The following ENOSF1 variants were observed in gnomAD, a reference collection of about 807,000 sequenced individuals.
ENOSF1 encodes mitochondrial enolase superfamily member 1.
ENOSF1 carries 73 observed loss-of-function variants against 68.2 expected under a neutral mutation model. That is an observed-to-expected ratio of 1.07 (90% CI 0.89 to 1.30). The LOEUF is 1.30. Among genes scored for constraint, ENOSF1 ranks in the 50% most tolerant of loss-of-function variants. ENOSF1 has a pLI of 0.00. For synonymous variants in ENOSF1, 223 were observed against 210.4 expected (o/e 1.06, Z -0.52); for missense variants, 589 against 554.5 (o/e 1.06, Z -0.62).
intron 2 of ENOSF1, among the ~76,000 whole-genome samples, chr18:702,264 C>CAAAAAAAAAAAAAAAAAAAAACAA (rs2078440643): frequency 1.5e-5 from 1 of 65,774 alleles, no homozygotes. Flanking sequence ...AACTACATCT[C>CAAAAAAAAAAAAAAAAAAAAACAA]AAAAAAAAAA....
intron 2 of ENOSF1, among the ~76,000 whole-genome samples, chr18:702,013 C>T (rs1170134293): frequency 9.2e-5 from 14 of 151,688 alleles, no homozygotes; most frequent in Non-Finnish European, 5.9e-5. Flanking sequence ...CCTGCAATCC[C>T]GTCACTTTGG....
At chr18:705,643 C>A (rs2078846668) in intron 2 of ENOSF1, among the ~76,000 whole-genome samples, 1 of 152,140 alleles carries the variant, frequency 6.6e-6, no homozygotes, top group African/African-American at 2.4e-5. Flanking sequence ...CCAAGGGAGA[C>A]CTCCGAGATT....
rs774638093 is a variant in ENOSF1 at position 670,849 on chromosome 18, G to A, written c.*3456C>T. On this transcript the variant is annotated 3_prime_UTR_variant, in exon 16 of 16. Transcript: ENST00000647584. Reference sequence around the variant, plus strand: ...ACGCCCTGCTCACGTACATGATTGCGCACATCACGGGCCTGAAGGTGGGCT... The same window carrying A: ...ACGCCCTGCTCACGTACATGATTGCACACATCACGGGCCTGAAGGTGGGCT... 21 of 1,613,882 alleles carry A rather than the reference G, an allele frequency of 1.3e-5. No individual in the cohort carries two copies. Among genetic ancestry groups the A allele is most frequent in the Middle Eastern group, 1.6e-4 (1 of 6,080 alleles).
chr18:674,158 T>G lies in ENOSF1; in HGVS notation c.*147A>C, dbSNP rs2144471233. On this transcript the variant is annotated 3_prime_UTR_variant, in exon 16 of 16. Coordinates refer to ENST00000647584, the MANE Select transcript of ENOSF1 (RefSeq NM_017512.7). The stretch of plus-strand genomic sequence containing the variant: ...TTTGCTAAAAGAATCAAGTAATAAT[T>G]ACTTAGCTGATTCCTGAGGGTGGTA... The G allele has an allele frequency of 1.6e-6, 1 of 623,942 alleles. No individual in the cohort carries two copies. The highest frequency in any genetic ancestry group is 2.1e-5 in the South Asian group (1 of 48,430). The allele number at this position is 623,942 out of a possible 1,614,324, so 38.7% of individuals were successfully genotyped here.
At chr18:697,377 CTT>C (rs34911737) in intron 2 of ENOSF1, 22 bp from the exon 3 acceptor site, 538,024 of 1,541,438 alleles carry the variant, frequency 0.35, 96,933 homozygotes, top group Non-Finnish European at 0.38. Context: ...GGATTGAACT[CTT>C]GTTTATGCTT....
downstream of ENOSF1, among the ~76,000 whole-genome samples, chr18:668,635 C>A (rs1316101026): frequency 6.6e-6 from 1 of 152,154 alleles, no homozygotes; most frequent in Non-Finnish European, 1.5e-5. Flanking sequence ...ATACTATATT[C>A]TACATAAGAT....
intron 2 of ENOSF1, 148 bp downstream of exon 2, chr18:706,322 C>CACTG (rs3831414): frequency 0.58 from 330,220 of 573,458 alleles, 96,414 homozygotes; most frequent in African/African-American, 0.72. Flanking sequence ...AACCATGAAA[C>CACTG]TTTTTACTCA....
At chr18:701,292 A>G (rs1170994068) in intron 2 of ENOSF1, among the ~76,000 whole-genome samples, 1 of 152,150 alleles carries the variant, frequency 6.6e-6, no homozygotes, top group African/African-American at 2.4e-5. Context: ...TTGGGTGATC[A>G]TGATGTGCCA....
In ENOSF1 at chr18:678,455, C is replaced by A. The variant is rs2075737439; in HGVS notation, c.918+241G>T. On this transcript the variant is annotated intron_variant, in intron 12 of 15. Transcript: ENST00000647584. ...CTTTAAATTGCTGCCTTTTCAATTT[C>A]AATTAGACACTTTGAAAAAGATACC... 9.9e-6 allele frequency: 5 copies of A among 506,336 alleles called. No homozygotes were observed. The East Asian group carries it at 1.6e-4, about 16-fold the overall frequency. The allele number at this position is 506,336 out of a possible 1,614,324, so 31.4% of individuals were successfully genotyped here.
downstream of ENOSF1, among the ~76,000 whole-genome samples, chr18:668,000 T>C (rs1186814443): frequency 6.8e-6 from 1 of 146,876 alleles, no homozygotes; most frequent in East Asian, 2.1e-4. Flanking sequence ...GAATTTTTTT[T>C]TTTTTTTTTT....
chr18:688,414 G>C (rs2076831195), intron 9 of ENOSF1, 160 bp downstream of exon 9: 2 of 754,554 alleles, frequency 2.7e-6, no homozygotes, highest in African/African-American at 3.5e-5. Context: ...TTTAGAGAAA[G>C]AGCCTGGCCT....
At chr18:701,282 T>C (rs146634019) in intron 2 of ENOSF1, among the ~76,000 whole-genome samples, 1 of 152,280 alleles carries the variant, frequency 6.6e-6, no homozygotes, top group African/African-American at 2.4e-5. Flanking sequence ...ACTACAGACT[T>C]TGGGTGATCA....
Position 694,345 on chromosome 18 carries a change from A to G in ENOSF1, c.310-11T>C. 1 of 1,613,876 alleles carries G rather than the reference A, an allele frequency of 6.2e-7. No individual in the cohort carries two copies. The highest frequency in any genetic ancestry group is 8.5e-7 in the Non-Finnish European group (1 of 1,179,852). On this transcript the variant is annotated splice_polypyrimidine_tract_variant and intron_variant, in intron 3 of 15. Coordinates refer to ENST00000647584, the MANE Select transcript of ENOSF1 (RefSeq NM_017512.7). ...CTTTTCTGGACCAATCTGGTTAGGA[A>G]GCAAAGTACAAAAGCACTTTTTAGA...
chr18:693,390 A>T, intron 5 of ENOSF1: 2 of 1,152,426 alleles, frequency 1.7e-6, no homozygotes, highest in Non-Finnish European at 2.2e-6. Context: ...ATTATAGCTC[A>T]CTGCAGCCTG....
intron 14 of ENOSF1, 37 bp from the exon 15 acceptor site, chr18:675,439 G>T (rs2075391978): frequency 3.2e-6 from 5 of 1,553,062 alleles, no homozygotes; most frequent in Non-Finnish European, 2.7e-6. Flanking sequence ...AATGATGCCT[G>T]AAGTCAGATT....
chr18:693,861 A>T, intron 5 of ENOSF1, 21 bp downstream of exon 5: 1 of 1,613,192 alleles, frequency 6.2e-7, no homozygotes, highest in South Asian at 1.1e-5. Flanking sequence ...AAACAATTGT[A>T]ACATTAACAA....
chr18:682,715 C>CAAAAAAAAAAA (rs35814994), intron 11 of ENOSF1, among the ~76,000 whole-genome samples: 1 of 56,670 alleles, frequency 1.8e-5, no homozygotes, highest in Non-Finnish European at 3.9e-5. Context: ...CTAAAAATAC[C>CAAAAAAAAAAA]AAAAAAAAAA....
intron 10 of ENOSF1, among the ~76,000 whole-genome samples, chr18:685,165 CT>C (rs550089497): frequency 0.041 from 6,303 of 151,944 alleles, 285 homozygotes; most frequent in Admixed American, 0.14. Flanking sequence ...AATGCTAACA[CT>C]TTTTTTTCTT....
downstream of ENOSF1, chr18:667,885 A>G (rs945932535): frequency 1.3e-5 from 2 of 151,908 alleles, no homozygotes; most frequent in African/African-American, 4.8e-5. Context: ...AAAAGGCCTA[A>G]TAAAATTATG....
Sources: allele counts gnomAD v4.1 joint callset (sites outside exome capture counted in the v4.1 genomes callset), GRCh38; gene constraint gnomAD v4.1.1; transcripts MANE v1.5; gene names NCBI Gene and HGNC (gene_info 2026-07-23, HGNC 2026-07-21).